The following WDHD1 variants were observed in gnomAD, a reference collection of about 807,000 sequenced individuals.
The protein encoded by WDHD1 is WD repeat and HMG-box DNA binding protein 1.
In WDHD1, 111 loss-of-function variants were observed where a neutral mutation model predicts 135.4. That is an observed-to-expected ratio of 0.82 (90% confidence interval 0.70 to 0.96). The LOEUF (loss-of-function observed/expected upper bound fraction) is 0.96. Among genes scored for constraint, WDHD1 ranks in the 40% least tolerant of loss-of-function variants. The pLI, the probability that WDHD1 is intolerant of heterozygous loss-of-function variation, is 0.00. For missense variants in WDHD1, 1,351 were observed against 1,336.3 expected, an observed-to-expected ratio of 1.01 and a Z score of -0.17; for synonymous variants, 434 against 439.0, an observed-to-expected ratio of 0.99 and a Z score of 0.14.
chr14:54,945,039 T>C (rs1343027635), intron 24 of WDHD1, among the ~76,000 whole-genome samples: 1 of 152,220 alleles, frequency 6.6e-6, no homozygotes, highest in African/African-American at 2.4e-5. Flanking sequence ...ACTTTCAACT[T>C]TTTAATGAAT....
At chr14:54,961,346 A>T (rs2041249176) in intron 21 of WDHD1, among the ~76,000 whole-genome samples, 1 of 152,114 alleles carries the variant, frequency 6.6e-6, no homozygotes, top group Non-Finnish European at 1.5e-5. Context: ...AAAATAAAAA[A>T]AAGACCAAAA....
At chr14:55,015,908 A>G (rs939766620) in intron 2 of WDHD1, among the ~76,000 whole-genome samples, 7 of 152,144 alleles carry the variant, frequency 4.6e-5, no homozygotes, top group African/African-American at 1.7e-4. Flanking sequence ...CATGTTGGCC[A>G]GGCTGGTCTT....
chr14:55,010,719 G>A lies in WDHD1; in HGVS notation c.190-259C>T, dbSNP rs575690790. On this transcript the variant is annotated intron_variant, in intron 3 of 25. Coordinates refer to ENST00000360586, the MANE Select transcript of WDHD1 (RefSeq NM_007086.4). ...TTCTTTTACTTCTGGTAAGAAAAAT[G>A]TTTGAATAGTACTTCTATGGATCCT... Among the ~76,000 whole-genome samples, 8 of 152,304 alleles carry A rather than the reference G, an allele frequency of 5.3e-5. No homozygotes were observed. The South Asian group carries it at 1.0e-3, about 20-fold the overall frequency.
intron 4 of WDHD1, 145 bp from the exon 5 acceptor site, chr14:55,008,864 G>A (rs1438668602): frequency 2.3e-5 from 13 of 575,172 alleles, no homozygotes; most frequent in Admixed American, 7.0e-5. Flanking sequence ...GCAGTGGTGC[G>A]ATCTCAACTG....
intron 10 of WDHD1, among the ~76,000 whole-genome samples, chr14:54,999,049 G>A (rs2041937226): frequency 6.6e-6 from 1 of 152,140 alleles, no homozygotes; most frequent in African/African-American, 2.4e-5. Context: ...CTTCCCTGGA[G>A]TTAAGAAACT....
chr14:55,009,886 T>C (rs1051948149), intron 4 of WDHD1, among the ~76,000 whole-genome samples: 1 of 152,008 alleles, frequency 6.6e-6, no homozygotes, highest in African/African-American at 2.4e-5. Context: ...AGTGGCACCA[T>C]CTTGGCTCAC....
At chr14:54,973,201 A>G (rs1236972259) in intron 16 of WDHD1, among the ~76,000 whole-genome samples, 2 of 152,214 alleles carry the variant, frequency 1.3e-5, no homozygotes, top group African/African-American at 4.8e-5. Context: ...ACTAATAATC[A>G]TCCACTTAAT....
intron 16 of WDHD1, among the ~76,000 whole-genome samples, chr14:54,978,033 T>C (rs913543881): frequency 6.6e-5 from 10 of 152,186 alleles, no homozygotes; most frequent in Non-Finnish European, 1.5e-4. Flanking sequence ...AAATTGTTCA[T>C]TGCAGATGAC....
chr14:55,004,995 G>A, intron 7 of WDHD1: 1 of 543,690 alleles, frequency 1.8e-6, no homozygotes. Flanking sequence ...ACCGAACTCA[G>A]GAGCTGGAGT....
intron 25 of WDHD1, among the ~76,000 whole-genome samples, chr14:54,942,040 G>C (rs964046383): frequency 6.6e-6 from 1 of 151,978 alleles, no homozygotes; most frequent in African/African-American, 2.4e-5. Flanking sequence ...CACGGGGTCA[G>C]GAGACTGAGA....
intron 9 of WDHD1, 107 bp downstream of exon 9, chr14:55,000,779 C>T (rs2041967639): frequency 9.0e-7 from 1 of 1,107,712 alleles, no homozygotes; most frequent in Non-Finnish European, 1.2e-6. Flanking sequence ...TTTAATTATA[C>T]TTTCATTCTG....
Position 54,950,454 on chromosome 14 carries a change from C to T in WDHD1, c.3050+5107G>A, listed in dbSNP as rs972873972. 9.2e-4 allele frequency among the ~76,000 whole-genome samples: 140 copies of T among 152,162 alleles called. 1 individual carries two copies. The highest frequency in any genetic ancestry group is 3.2e-3 in the African/African-American group (133 of 41,492). ...AATTCAACAAGAAGAGCTAACTATC[C>T]TAAATATATATGCACCCAATACAGG... On this transcript the variant is annotated intron_variant, in intron 24 of 25. Coordinates refer to ENST00000360586, the MANE Select transcript of WDHD1 (RefSeq NM_007086.4).
At chr14:54,942,280 A>C (rs939156924) in intron 25 of WDHD1, among the ~76,000 whole-genome samples, 2 of 151,722 alleles carry the variant, frequency 1.3e-5, no homozygotes, top group Non-Finnish European at 2.9e-5. Context: ...ATAAATAAAT[A>C]ATAAAAATGA....
chr14:54,946,719 C>T (rs2040931785), intron 24 of WDHD1, among the ~76,000 whole-genome samples: 1 of 152,182 alleles, frequency 6.6e-6, no homozygotes, highest in Non-Finnish European at 1.5e-5. Context: ...ATCTCCTGGG[C>T]TGAAGCTAAC....
At chr14:55,014,006 T>C (rs142934930) in intron 2 of WDHD1, among the ~76,000 whole-genome samples, 3 of 152,364 alleles carry the variant, frequency 2.0e-5, no homozygotes, top group African/African-American at 7.2e-5. Flanking sequence ...TTAGCCAGTA[T>C]TTTTTCTCAT....
At chr14:54,980,821 A>AAAC (rs1566724214) in intron 16 of WDHD1, among the ~76,000 whole-genome samples, 4 of 148,624 alleles carry the variant, frequency 2.7e-5, no homozygotes, top group Admixed American at 6.7e-5. Flanking sequence ...AAAAAAAAAA[A>AAAC]AAAACTCAGC....
chr14:55,025,734 T>C (rs549743265), intron 2 of WDHD1, among the ~76,000 whole-genome samples: 1 of 152,366 alleles, frequency 6.6e-6, no homozygotes, highest in South Asian at 2.1e-4. Context: ...CACTAAACTC[T>C]GCATCACTCT....
intron 7 of WDHD1, chr14:55,005,442 C>T (rs2042049875): frequency 1.8e-6 from 1 of 569,950 alleles, no homozygotes; most frequent in Non-Finnish European, 3.4e-6. Context: ...GCCTTCGGAC[C>T]AGTATTCCTG....
chr14:54,953,023 C>T (rs969206417), intron 24 of WDHD1, among the ~76,000 whole-genome samples: 9 of 151,986 alleles, frequency 5.9e-5, no homozygotes, highest in Admixed American at 1.3e-4. Context: ...ATAAAAACCC[C>T]AGAAGAAAAC....
Sources: allele counts gnomAD v4.1 joint callset (sites outside exome capture counted in the v4.1 genomes callset), GRCh38; gene constraint gnomAD v4.1.1; transcripts MANE v1.5; gene names NCBI Gene and HGNC (gene_info 2026-07-23, HGNC 2026-07-21).